Variants in STARD13 observed in about 807,000 individuals in gnomAD.
The protein encoded by STARD13 is stAR-related lipid transfer protein 13.
A neutral mutation model predicts 106.4 loss-of-function variants in STARD13; 62 were observed. That is an observed-to-expected ratio of 0.58 (90% CI 0.48 to 0.72). STARD13 has a LOEUF of 0.72. Among genes scored for constraint, STARD13 ranks in the 30% least tolerant of loss-of-function variants. The pLI, the probability that STARD13 is intolerant of heterozygous loss-of-function variation, is 0.00. For synonymous variants in STARD13, 565 were observed against 553.0 expected (o/e 1.02, Z -0.31); for missense variants, 1,387 against 1,424.0 (o/e 0.97, Z 0.42).
the STARD13 span, among the ~76,000 whole-genome samples, chr13:33,599,379 C>A: frequency 6.6e-6 from 1 of 152,108 alleles, no homozygotes; most frequent in Non-Finnish European, 1.5e-5. Context: ...TCAGTAACAC[C>A]ATAACAACAA....
chr13:33,509,345 G>A, the STARD13 span, among the ~76,000 whole-genome samples: 1 of 152,166 alleles, frequency 6.6e-6, no homozygotes, highest in East Asian at 1.9e-4. Context: ...TTGGCCTTTA[G>A]GATGTGTAAA....
the STARD13 span, among the ~76,000 whole-genome samples, chr13:33,451,024 A>G: frequency 0.092 from 14,049 of 152,162 alleles, 742 homozygotes; most frequent in East Asian, 0.13. Context: ...CTGAGACCTC[A>G]GGCACATGCC....
chr13:33,205,270 C>G (rs1887335388), intron 1 of STARD13, among the ~76,000 whole-genome samples: 1 of 152,184 alleles, frequency 6.6e-6, no homozygotes, highest in South Asian at 2.1e-4. Context: ...GAAAGATAAA[C>G]TACAGAAGAT....
At chr13:33,656,508 A>C in the STARD13 span, among the ~76,000 whole-genome samples, 1 of 152,222 alleles carries the variant, frequency 6.6e-6, no homozygotes, top group Admixed American at 6.5e-5. Context: ...AGTTTCTCCC[A>C]ATAAGTCTGG....
chr13:33,387,977 G>T, the STARD13 span, among the ~76,000 whole-genome samples: 1 of 152,188 alleles, frequency 6.6e-6, no homozygotes, highest in African/African-American at 2.4e-5. Context: ...TCGGCCATAT[G>T]GTGGTCTTTC....
chr13:33,414,404 A>G, the STARD13 span, among the ~76,000 whole-genome samples: 104 of 152,304 alleles, frequency 6.8e-4, no homozygotes, highest in East Asian at 9.8e-3. Context: ...ATGTCCTTCA[A>G]TGGGTGAATG....
chr13:33,463,418 C>T, the STARD13 span, among the ~76,000 whole-genome samples: 2 of 152,198 alleles, frequency 1.3e-5, no homozygotes, highest in Admixed American at 1.3e-4. Flanking sequence ...TGGAAAGGGT[C>T]CATAACCTCC....
the STARD13 span, among the ~76,000 whole-genome samples, chr13:33,590,641 T>C: frequency 7.4e-6 from 1 of 135,998 alleles, no homozygotes; most frequent in Admixed American, 8.6e-5. Context: ...TAGGTGAGAA[T>C]TGAACAATGA....
the STARD13 span, among the ~76,000 whole-genome samples, chr13:33,433,532 G>A: frequency 2.0e-4 from 30 of 148,280 alleles, no homozygotes; most frequent in South Asian, 1.0e-3. Context: ...CTCCTGCTAC[G>A]TCACGTTCCG....
chr13:33,313,063 C>A (rs886105303), intron 1 of STARD13, among the ~76,000 whole-genome samples: 3 of 152,158 alleles, frequency 2.0e-5, no homozygotes, highest in African/African-American at 7.2e-5. Flanking sequence ...CAGAGAATGG[C>A]CAGTTTTGCT....
At chr13:33,491,980 G>A in the STARD13 span, among the ~76,000 whole-genome samples, 1 of 152,174 alleles carries the variant, frequency 6.6e-6, no homozygotes, top group South Asian at 2.1e-4. Flanking sequence ...GGAGACAGGG[G>A]TGGGGCCGTT....
chr13:33,365,135 C>G, the STARD13 span, among the ~76,000 whole-genome samples: 3 of 152,070 alleles, frequency 2.0e-5, no homozygotes, highest in Admixed American at 6.6e-5. Flanking sequence ...TGAGGCTCAC[C>G]TGAGCCTCAA....
At chr13:33,471,568 C>T in the STARD13 span, among the ~76,000 whole-genome samples, 2 of 151,596 alleles carry the variant, frequency 1.3e-5, no homozygotes, top group African/African-American at 4.9e-5. Context: ...ACTTGCAGAG[C>T]TGTGTTTCAG....
At chr13:33,268,934 G>A (rs1891031812) in intron 1 of STARD13, among the ~76,000 whole-genome samples, 1 of 152,206 alleles carries the variant, frequency 6.6e-6, no homozygotes. Context: ...TTGGAGGCAC[G>A]AGAAGTTAGT....
chr13:33,204,355 CAG>C (rs1003217269), intron 1 of STARD13, among the ~76,000 whole-genome samples: 1 of 152,178 alleles, frequency 6.6e-6, no homozygotes, highest in African/African-American at 2.4e-5. Flanking sequence ...ATAGGTTGCA[CAG>C]AGTGTACAAA....
At chr13:33,157,869 T>C (rs188543152) in intron 3 of STARD13, among the ~76,000 whole-genome samples, 1 of 152,364 alleles carries the variant, frequency 6.6e-6, no homozygotes, top group African/African-American at 2.4e-5. Flanking sequence ...ACACCTTGGC[T>C]ATCCCTACAT....
At chr13:33,499,541 TTC>T in the STARD13 span, among the ~76,000 whole-genome samples, 1,659 of 52,198 alleles carry the variant, frequency 0.032, 92 homozygotes, top group Middle Eastern at 0.07. Flanking sequence ...CTTCTTCTTC[TTC>T]TTCTTCTTCT....
At chr13:33,220,635 T>C (rs1888305636) in intron 1 of STARD13, among the ~76,000 whole-genome samples, 1 of 152,164 alleles carries the variant, frequency 6.6e-6, no homozygotes. Context: ...GAGGTTGCAG[T>C]GAGCCAAGAT....
At chr13:33,156,694 T>G (rs1181651335) in intron 3 of STARD13, among the ~76,000 whole-genome samples, 1 of 152,170 alleles carries the variant, frequency 6.6e-6, no homozygotes, top group Non-Finnish European at 1.5e-5. Context: ...TCAAGAATGC[T>G]GAAGAGCTTA....
Sources: allele counts gnomAD v4.1 joint callset (sites outside exome capture counted in the v4.1 genomes callset), GRCh38; gene constraint gnomAD v4.1.1; transcripts MANE v1.5; gene names NCBI Gene and HGNC (gene_info 2026-07-23, HGNC 2026-07-21).